Variants in HERC5 observed in about 807,000 individuals in gnomAD.
HERC5 encodes the protein E3 ISG15--protein ligase HERC5.
A neutral mutation model predicts 119.6 loss-of-function variants in HERC5; 99 were observed. The observed-to-expected ratio is 0.83, with a 90% CI of 0.70 to 0.98. The LOEUF is 0.98. Ranked by LOEUF, HERC5 falls within the 50% of genes least tolerant of loss-of-function variation. The pLI is 0.00. For missense variants in HERC5, 1,267 were observed against 1,241.3 expected, an observed-to-expected ratio of 1.02 and a Z score of -0.31; for synonymous variants, 478 against 445.9, an observed-to-expected ratio of 1.07 and a Z score of -0.91.
At chr4:88,486,515 A>T (rs1741471492) in intron 14 of HERC5, among the ~76,000 whole-genome samples, 1 of 152,234 alleles carries the variant, frequency 6.6e-6, no homozygotes, top group African/African-American at 2.4e-5. Context: ...AAGTGGTCAT[A>T]ACAAGGCAGT....
chr4:88,491,870 A>C (rs1741649677), intron 16 of HERC5, among the ~76,000 whole-genome samples: 1 of 152,126 alleles, frequency 6.6e-6, no homozygotes, highest in Non-Finnish European at 1.5e-5. Context: ...GAAGGAGCAA[A>C]GATGGGTTAT....
Position 88,494,201 on chromosome 4 carries a change from G to C in HERC5, c.2314G>C (p.Val772Leu). The change falls in exon 18 of 23, where the codon GTT (valine) becomes CTT (leucine). Residue 772 changes from valine (V) to leucine (L), a missense_variant. Val to Leu is a conservative substitution (Grantham distance 32). This residue lies in a region of HERC5 where 473 missense variants were observed against 445.7 expected (regional missense o/e 1.06). Transcript: ENST00000264350. ...GAAGAAAAGATACTTCTTTTTTGGG[G>C]TTCTATGTGGACTTTCCCTGTTCAA... ...FEKKRYFFFG[V>L]LCGLSLFNCN... The C allele has an allele frequency of 6.2e-7, 1 of 1,609,762 alleles. No individual in the cohort carries two copies. Among genetic ancestry groups the C allele is most frequent in the Admixed American group, 1.7e-5 (1 of 59,304 alleles).
chr4:88,504,389 G>C lies in HERC5; in HGVS notation c.2740G>C (p.Asp914His). 3 of 1,604,018 alleles carry C rather than the reference G, an allele frequency of 1.9e-6. No homozygotes were observed. The highest frequency in any genetic ancestry group is 2.6e-6 in the Non-Finnish European group (3 of 1,172,994). Residue 914 changes from aspartate to histidine, a missense_variant, in exon 21 of 23, where the codon GAT becomes CAT. By Grantham distance (81) the Asp-to-His change is moderately conservative. This residue lies in a region of HERC5 where 473 missense variants were observed against 445.7 expected (regional missense o/e 1.06). Transcript: ENST00000264350. ...GAAGGATGTGATTGTTGGAAATACA[G>C]ATTATGATTGGAAAACATTTGAAAA... The part of the protein sequence containing the change: ...ELKDVIVGNT[D>H]YDWKTFEKNA...
intron 18 of HERC5, among the ~76,000 whole-genome samples, chr4:88,496,181 A>T (rs937952866): frequency 3.3e-5 from 5 of 152,202 alleles, no homozygotes; most frequent in African/African-American, 1.2e-4. Flanking sequence ...TGAACTCTGT[A>T]AAGGCCCAAG....
At chr4:88,482,374 C>T (rs1741307554) in intron 13 of HERC5, among the ~76,000 whole-genome samples, 1 of 151,904 alleles carries the variant, frequency 6.6e-6, no homozygotes, top group African/African-American at 2.4e-5. Flanking sequence ...GCCCTCTGCT[C>T]TTCTTTTCCT....
In HERC5 at chr4:88,460,114, G is replaced by GAAA; in HGVS notation, c.416_418dup (p.Lys139dup). ...CATCAGGTTTGAAAGCATTTTACAA[G>GAAA]AAAAAAAAATAATTCAGATCACATG... On this transcript the variant is annotated inframe_insertion, in exon 3 of 23. Transcript: ENST00000264350. 6.4e-7 allele frequency: 1 copy of GAAA among 1,553,882 alleles called. No individual in the cohort carries two copies. Among genetic ancestry groups the GAAA allele is most frequent in the Non-Finnish European group, 8.8e-7 (1 of 1,133,312 alleles).
chr4:88,497,837 G>A (rs1712321585), intron 18 of HERC5, among the ~76,000 whole-genome samples: 2 of 152,138 alleles, frequency 1.3e-5, no homozygotes, highest in Admixed American at 6.5e-5. Flanking sequence ...GATCCCAAAG[G>A]CATTTCAGAG....
intron 1 of HERC5, among the ~76,000 whole-genome samples, chr4:88,458,878 A>G (rs1181477216): frequency 6.6e-6 from 1 of 152,192 alleles, no homozygotes; most frequent in East Asian, 1.9e-4. Context: ...TTTTAAGAAT[A>G]TAGGCATTGG....
Position 88,463,979 on chromosome 4 carries a change from G to C in HERC5, c.905G>C (p.Cys302Ser), listed in dbSNP as rs78613619. ...LVGYRVTQIA[C>S]GRWHTLAYVS... The stretch of plus-strand genomic sequence containing the variant: ...GGGTATAGAGTGACTCAGATAGCAT[G>C]TGGAAGGTAAGTTGTAAAGTATCAA... The change falls in exon 6 of 23, where the codon TGT becomes TCT. Residue 302 changes from cysteine to serine, a missense_variant. Physicochemically the swap from Cys to Ser is moderately radical, Grantham distance 112 (BLOSUM62 -1). Around this residue, in one of 3 missense-constraint regions of HERC5, gnomAD observed 777 missense variants for 758.0 expected, o/e 1.03. Transcript: ENST00000264350. 5,420 of 1,612,714 alleles carry C rather than the reference G, an allele frequency of 3.4e-3. 150 individuals are homozygous for C. The East Asian group carries it at 0.065, about 19-fold the overall frequency.
chr4:88,492,923 A>T, intron 16 of HERC5, 89 bp from the exon 17 acceptor site: 1 of 1,283,238 alleles, frequency 7.8e-7, no homozygotes. Flanking sequence ...TCCACAATTA[A>T]TGTTAGCTAT....
intron 18 of HERC5, among the ~76,000 whole-genome samples, chr4:88,496,438 T>C (rs1337061914): frequency 1.3e-5 from 2 of 152,192 alleles, no homozygotes; most frequent in Admixed American, 1.3e-4. Flanking sequence ...GTATGATGTA[T>C]GATATTGGTG....
chr4:88,480,045 C>G (rs1287398273), intron 13 of HERC5, among the ~76,000 whole-genome samples: 1 of 138,950 alleles, frequency 7.2e-6, no homozygotes, highest in African/African-American at 2.7e-5. Flanking sequence ...CCAGCCTGGG[C>G]GACAGAGCGA....
intron 20 of HERC5, 107 bp from the exon 21 acceptor site, chr4:88,504,125 T>C: frequency 1.5e-6 from 1 of 673,702 alleles, no homozygotes; most frequent in African/African-American, 1.8e-5. Context: ...CCATGGCACA[T>C]GGTAGGTACT....
chr4:88,460,191 AAT>A lies in HERC5; in HGVS notation c.466+22_466+23del, dbSNP rs746046896. 2.3e-6 allele frequency: 3 copies of A among 1,325,638 alleles called. No individual in the cohort carries two copies. Among genetic ancestry groups the A allele is most frequent in the Non-Finnish European group, 3.2e-6 (3 of 924,346 alleles). 82.1% of individuals were successfully genotyped at this position (1,325,638 alleles called of 1,614,324 possible). Reference sequence around the variant, plus strand: ...CAAAAGGTAATTTTTCTGTAATATTAATAGTTTTGTAGAAGTAATACCTGTGT... The same window carrying A: ...CAAAAGGTAATTTTTCTGTAATATTAAGTTTTGTAGAAGTAATACCTGTGT... On this transcript the variant is annotated intron_variant, in intron 3 of 22. Coordinates refer to ENST00000264350, the MANE Select transcript of HERC5 (RefSeq NM_016323.4).
Position 88,489,199 on chromosome 4 carries a change from G to A in HERC5, c.1996G>A (p.Ala666Thr). The A allele has an allele frequency of 6.2e-7, 1 of 1,613,214 alleles. No homozygotes were observed. ...ACATAAAGCTTATCTTAGGTCGGCA[G>A]CAATTGAGGAAGAAAGAGAGTCTGA... ...KKHKAYLRSA[A>T]IEEERESEFA... Residue 666 changes from alanine to threonine, a missense_variant, in exon 16 of 23, where the codon GCA (alanine) becomes ACA (threonine). Ala to Thr is a moderately conservative substitution (Grantham distance 58). Transcript: ENST00000264350.
At chr4:88,481,632 A>G (rs1318721596) in intron 13 of HERC5, among the ~76,000 whole-genome samples, 1 of 152,156 alleles carries the variant, frequency 6.6e-6, no homozygotes, top group Non-Finnish European at 1.5e-5. Flanking sequence ...TTTTTTCTGG[A>G]AAGGACCAGA....
At chr4:88,490,258 T>TA (rs1443349435) in intron 16 of HERC5, among the ~76,000 whole-genome samples, 1 of 152,214 alleles carries the variant, frequency 6.6e-6, no homozygotes, top group Non-Finnish European at 1.5e-5. Context: ...CCTAATTTTT[T>TA]AACCCTTTCA....
At chr4:88,462,813 A>C (rs1740498646) in intron 4 of HERC5, among the ~76,000 whole-genome samples, 1 of 152,254 alleles carries the variant, frequency 6.6e-6, no homozygotes. Context: ...CTTATTCTAT[A>C]AGGTATCAAT....
intron 6 of HERC5, among the ~76,000 whole-genome samples, chr4:88,465,130 G>GTCTT (rs1169594730): frequency 6.6e-6 from 1 of 152,102 alleles, no homozygotes; most frequent in Non-Finnish European, 1.5e-5. Context: ...GGCCAGGCTG[G>GTCTT]TCTTGAACTC....
Sources: gnomAD v4.1 joint callset for allele counts (sites outside exome capture counted in the v4.1 genomes callset) on GRCh38, gnomAD v4.1.1 for gene constraint, gnomAD v4.1.1 regional missense constraint, MANE v1.5 for transcripts, NCBI Gene and HGNC (gene_info 2026-07-23, HGNC 2026-07-21) for gene names.